Variants in COL4A6 observed in about 807,000 individuals in gnomAD.
COL4A6 encodes the protein collagen type IV alpha 6 chain.
A neutral mutation model predicts 126.7 loss-of-function variants in COL4A6; 59 were observed. The observed-to-expected ratio is 0.47, with a 90% CI of 0.38 to 0.58. The LOEUF (loss-of-function observed/expected upper bound fraction) is 0.58. Ranked by LOEUF, COL4A6 falls within the 20% of genes least tolerant of loss-of-function variation. COL4A6 has a pLI of 0.00. For synonymous variants in COL4A6, 547 were observed against 496.6 expected (o/e 1.10, Z -1.35); for missense variants, 1,285 against 1,337.3 (o/e 0.96, Z 0.61).
chrX:108,304,872 C>T (rs1351104600), intron 3 of COL4A6, among the ~76,000 whole-genome samples: 3 of 111,864 alleles, frequency 2.7e-5, no homozygotes, highest in African/African-American at 9.7e-5. Context: ...AGGGATTACT[C>T]CCTCAACAGG....
chrX:108,338,495 C>G (rs975438317), intron 2 of COL4A6, among the ~76,000 whole-genome samples: 14 of 112,126 alleles, frequency 1.2e-4, no homozygotes, highest in Non-Finnish European at 2.4e-4. Context: ...GAATCCAAAC[C>G]TCTGTTAGTA....
intron 3 of COL4A6, among the ~76,000 whole-genome samples, chrX:108,278,083 G>A (rs1472596842): frequency 7.1e-5 from 8 of 112,085 alleles, no homozygotes; most frequent in Non-Finnish European, 1.3e-4. Context: ...AAAGCAGAGC[G>A]CCTCTCCTCC....
chrX:108,324,718 T>G (rs1462945054), intron 2 of COL4A6, among the ~76,000 whole-genome samples: 1 of 112,178 alleles, frequency 8.9e-6, no homozygotes, highest in African/African-American at 3.2e-5. Flanking sequence ...CTACAAGGCT[T>G]ACATGTGTTG....
intron 41 of COL4A6, 48 bp downstream of exon 41, chrX:108,162,844 A>T (rs1027332035): frequency 1.8e-6 from 2 of 1,103,475 alleles, no homozygotes; most frequent in Non-Finnish European, 2.4e-6. Flanking sequence ...TCTCAGCCAA[A>T]CTGTCTCAAC....
intron 2 of COL4A6, among the ~76,000 whole-genome samples, chrX:108,418,169 A>G (rs1323352821): frequency 8.9e-6 from 1 of 112,174 alleles, no homozygotes; most frequent in Non-Finnish European, 1.9e-5. Context: ...TGTTAATAGA[A>G]GGATGCTGTC....
chrX:108,331,486 G>A (rs1164584292), intron 2 of COL4A6, among the ~76,000 whole-genome samples: 1 of 112,184 alleles, frequency 8.9e-6, no homozygotes, highest in Non-Finnish European at 1.9e-5. Context: ...AAGTAATTAT[G>A]TGTTTAAATA....
intron 3 of COL4A6, among the ~76,000 whole-genome samples, chrX:108,287,572 A>G (rs1359802162): frequency 9.0e-6 from 1 of 111,585 alleles, no homozygotes; most frequent in African/African-American, 3.3e-5. Context: ...AAAGTTTTCT[A>G]TTCTGGCTGG....
At position 108,169,609 on chromosome X, in the gene COL4A6, T is replaced by C; in HGVS notation, c.3577A>G (p.Thr1193Ala). 8.3e-7 allele frequency: 1 copy of C among 1,209,610 alleles called. No homozygotes were observed. Among genetic ancestry groups the C allele is most frequent in the Non-Finnish European group, 1.1e-6 (1 of 894,539 alleles). The change falls in exon 37 of 45, where the codon ACC becomes GCC. Residue 1193 changes from threonine to alanine, a missense_variant. Thr to Ala is a moderately conservative substitution (Grantham distance 58, BLOSUM62 0). Coordinates refer to ENST00000334504, the MANE Select transcript of COL4A6 (RefSeq NM_033641.4). The part of the protein sequence containing the change: ...GTHGTPGPSI[T>A]GVPGPAGLPG... ...AGACCAGCAGGCCCAGGCACACCGG[T>C]GATACTAGGTCCTAGGAGGAGATGC...
At chrX:108,273,726 G>A (rs1422383217) in intron 3 of COL4A6, among the ~76,000 whole-genome samples, 2 of 111,863 alleles carry the variant, frequency 1.8e-5, no homozygotes, top group Non-Finnish European at 3.8e-5. Flanking sequence ...GTGTTTCTAG[G>A]TGATTCCAAG....
At position 108,291,768 on chromosome X, in the gene COL4A6, G is replaced by A. The variant is rs1192836027; in HGVS notation, c.144+18980C>T. On this transcript the variant is annotated intron_variant, in intron 3 of 44. Transcript: ENST00000334504. ...TAATTTTAGAGACACATTTGGAAAC[G>A]CTTTAAACAATATCTGGGTGAATGT... 5.4e-5 allele frequency among the ~76,000 whole-genome samples: 6 copies of A among 112,012 alleles called. No individual in the cohort carries two copies. The East Asian group carries it at 1.1e-3, about 21-fold the overall frequency.
chrX:108,255,409 C>G (rs995170223), intron 3 of COL4A6, among the ~76,000 whole-genome samples: 1 of 110,087 alleles, frequency 9.1e-6, no homozygotes, highest in Non-Finnish European at 1.9e-5. Context: ...TCAGGATGAC[C>G]TTGGGGGCTG....
chrX:108,361,303 T>G (rs1056886694), intron 2 of COL4A6, among the ~76,000 whole-genome samples: 7 of 111,311 alleles, frequency 6.3e-5, no homozygotes, highest in Admixed American at 5.8e-4. Flanking sequence ...ACAAATAGAT[T>G]ACTTCCCCAA....
At chrX:108,408,337 GAA>G (rs1185594052) in intron 2 of COL4A6, among the ~76,000 whole-genome samples, 16 of 17,082 alleles carry the variant, frequency 9.4e-4, no homozygotes, top group African/African-American at 2.4e-3. Flanking sequence ...AAGAAAGAGA[GAA>G]AGAAAGAAAG....
At chrX:108,229,588 C>T (rs1389215749) in intron 3 of COL4A6, among the ~76,000 whole-genome samples, 3 of 112,291 alleles carry the variant, frequency 2.7e-5, no homozygotes, top group Non-Finnish European at 3.8e-5. Flanking sequence ...CTTGGAGAAT[C>T]CCTGTTGTAA....
Position 108,226,795 on chromosome X carries a change from C to T in COL4A6, c.145-5421G>A, listed in dbSNP as rs1379651170. Reference sequence around the variant, plus strand: ...CTTCCATTCCCTCATCTCCCACATCCGATCCATTAGCAAGGACTGTGAATT... The same window carrying T: ...CTTCCATTCCCTCATCTCCCACATCTGATCCATTAGCAAGGACTGTGAATT... On this transcript the variant is annotated intron_variant, in intron 3 of 44. Coordinates refer to ENST00000334504, the MANE Select transcript of COL4A6 (RefSeq NM_033641.4). Among the ~76,000 whole-genome samples the T allele has an allele frequency of 4.5e-5, 5 of 110,838 alleles. 1 individual carries two copies. The highest frequency in any genetic ancestry group is 1.9e-4 in the Admixed American group (2 of 10,422).
chrX:108,430,243 G>C (rs1409630413), intron 2 of COL4A6, among the ~76,000 whole-genome samples: 1 of 111,836 alleles, frequency 8.9e-6, no homozygotes, highest in African/African-American at 3.3e-5. Context: ...CAGAGAGAGG[G>C]ACTGCATATC....
rs145783304 is a variant in COL4A6, at chrX:108,207,022, T to C, written c.547-442A>G. ...GTGATAGTAATGTTCTATACCTGAA[T>C]AGAGGTTTGGATTACATACAAGTAT... On this transcript the variant is annotated intron_variant, in intron 8 of 44. Coordinates refer to ENST00000334504, the MANE Select transcript of COL4A6 (RefSeq NM_033641.4). 8.8e-3 allele frequency among the ~76,000 whole-genome samples: 979 copies of C among 111,532 alleles called. 7 individuals carry two copies. Among genetic ancestry groups the C allele is most frequent in the Non-Finnish European group, 0.015 (773 of 53,089 alleles).
intron 6 of COL4A6, 109 bp from the exon 7 acceptor site, chrX:108,211,849 G>A (rs1340082394): frequency 1.3e-6 from 1 of 786,428 alleles, no homozygotes; most frequent in Non-Finnish European, 1.9e-6. Context: ...AAACCATGTG[G>A]CTTTTTCTAT....
intron 2 of COL4A6, among the ~76,000 whole-genome samples, chrX:108,351,632 T>C (rs1320312199): frequency 9.0e-6 from 1 of 110,990 alleles, no homozygotes; most frequent in Non-Finnish European, 1.9e-5. Flanking sequence ...GGAAATACCC[T>C]CACAAGACTG....
Sources: allele counts gnomAD v4.1 joint callset (sites outside exome capture counted in the v4.1 genomes callset), GRCh38; gene constraint gnomAD v4.1.1; transcripts MANE v1.5; gene names NCBI Gene and HGNC (gene_info 2026-07-23, HGNC 2026-07-21).